The following BFAR variants were observed in gnomAD, a reference collection of about 807,000 sequenced individuals.
The protein encoded by BFAR is RING finger protein 47.
Under a neutral mutation model 54.4 loss-of-function variants are expected in BFAR, and 52 were observed. The ratio of observed to expected loss-of-function variants is 0.96; its 90% CI spans 0.77 to 1.21. The LOEUF is 1.21. Among genes scored for constraint, BFAR ranks in the 50% most tolerant of loss-of-function variants. The pLI is 0.00. For missense variants in BFAR, 571 were observed against 534.0 expected, an observed-to-expected ratio of 1.07 and a Z score of -0.68; for synonymous variants, 215 against 204.3, an observed-to-expected ratio of 1.05 and a Z score of -0.45.
chr16:14,657,834 C>T (rs960774723), intron 5 of BFAR, among the ~76,000 whole-genome samples: 2 of 152,308 alleles, frequency 1.3e-5, no homozygotes, highest in East Asian at 3.9e-4. Flanking sequence ...TGAGCCACTG[C>T]GCCCAGCCAA....
chr16:14,647,893 A>G (rs1195750237), intron 2 of BFAR, among the ~76,000 whole-genome samples: 1 of 152,156 alleles, frequency 6.6e-6, no homozygotes, highest in Non-Finnish European at 1.5e-5. Flanking sequence ...TTTACCTAGT[A>G]GTAAATGTAT....
intron 1 of BFAR, among the ~76,000 whole-genome samples, chr16:14,642,465 T>A (rs1051334563): frequency 1.1e-4 from 17 of 152,192 alleles, no homozygotes; most frequent in Admixed American, 5.9e-4. Context: ...AAAAAATTTT[T>A]AAAAATGTCT....
chr16:14,663,060 A>G (rs1488232992), intron 6 of BFAR, among the ~76,000 whole-genome samples: 1 of 152,222 alleles, frequency 6.6e-6, no homozygotes, highest in Non-Finnish European at 1.5e-5. Flanking sequence ...GAATCTATAG[A>G]TAACATAACT....
chr16:14,639,785 G>C (rs1230852675), intron 1 of BFAR, among the ~76,000 whole-genome samples: 1 of 152,182 alleles, frequency 6.6e-6, no homozygotes, highest in Non-Finnish European at 1.5e-5. Flanking sequence ...GAATTGTCCA[G>C]ATCCTCAGAG....
chr16:14,662,810 AGAAG>A (rs1348525552), intron 6 of BFAR, among the ~76,000 whole-genome samples: 1 of 152,154 alleles, frequency 6.6e-6, no homozygotes, highest in Non-Finnish European at 1.5e-5. Flanking sequence ...ACCGAGTTAA[AGAAG>A]GAAGGGATTT....
Position 14,655,226 on chromosome 16 carries a change from T to A in BFAR, c.783+16T>A, listed in dbSNP as rs1286861634. The stretch of plus-strand genomic sequence containing the variant: ...GGAATATAAGGTGAACACTTTAATT[T>A]TTTTTTTTTTTTTTTACTTTTTATT... On this transcript the variant is annotated intron_variant, in intron 5 of 7. Coordinates refer to ENST00000261658, the MANE Select transcript of BFAR (RefSeq NM_016561.3). 1 of 1,292,098 alleles carries A rather than the reference T, an allele frequency of 7.7e-7. No individual in the cohort carries two copies. Among genetic ancestry groups the A allele is most frequent in the African/African-American group, 1.6e-5 (1 of 63,956 alleles). The allele number at this position is 1,292,098 out of a possible 1,614,324, so 80.0% of individuals were successfully genotyped here. A position where few individuals can be genotyped will look rare whatever the true frequency, so the allele number is the denominator to read the frequency against.
intron 1 of BFAR, among the ~76,000 whole-genome samples, chr16:14,639,076 G>T (rs1005051419): frequency 6.6e-6 from 1 of 152,158 alleles, no homozygotes; most frequent in African/African-American, 2.4e-5. Context: ...CAAACAGGGT[G>T]CCACTGCCTC....
chr16:14,660,880 G>A lies in BFAR; in HGVS notation c.784-1012G>A, dbSNP rs576683152. ...TGCACCATTGCACTCCAGCCTGGGC[G>A]ACAGAGCAAGACTCTGTCTCAAAAA... On this transcript the variant is annotated intron_variant, in intron 5 of 7. Transcript: ENST00000261658. Among the ~76,000 whole-genome samples the A allele has an allele frequency of 1.8e-4, 27 of 151,864 alleles. No individual in the cohort carries two copies. The South Asian group carries it at 2.7e-3, about 15-fold the overall frequency.
rs1555514610 is a variant in BFAR at position 14,651,905 on chromosome 16, T to TA, written c.638+1933dup. On this transcript the variant is annotated intron_variant, in intron 4 of 7. Coordinates refer to ENST00000261658, the MANE Select transcript of BFAR (RefSeq NM_016561.3). ...ATTTTTTTTTTTTTTTTTTTTTTTTTAGATGGAGTCTCGCTCTGTCCTTCA... is the reference window on the plus strand; with the variant it reads ...ATTTTTTTTTTTTTTTTTTTTTTTTTAAGATGGAGTCTCGCTCTGTCCTTCA... 9.4e-3 allele frequency among the ~76,000 whole-genome samples: 1,165 copies of TA among 124,558 alleles called. 20 individuals carry two copies. Among genetic ancestry groups the TA allele is most frequent in the African/African-American group, 0.03 (1,111 of 37,240 alleles). 81.7% of individuals were successfully genotyped at this position (124,558 alleles called of 152,430 possible).
chr16:14,661,787 A>G, intron 5 of BFAR, 105 bp from the exon 6 acceptor site: 1 of 1,243,868 alleles, frequency 8.0e-7, no homozygotes, highest in East Asian at 2.3e-5. Context: ...CATTGTGTGT[A>G]CCATGCAAAA....
chr16:14,643,446 T>A (rs1008270349), intron 1 of BFAR, among the ~76,000 whole-genome samples: 1 of 152,232 alleles, frequency 6.6e-6, no homozygotes, highest in Non-Finnish European at 1.5e-5. Context: ...ACTACACATA[T>A]TATTTTGCTT....
In BFAR at chr16:14,667,820, T is replaced by C; in HGVS notation, c.1346T>C (p.Val449Ala). The stretch of plus-strand genomic sequence containing the variant: ...GAACTCCGGCGGCTGGAAACCCAGG[T>C]GTTGTGACTGGCACTGCCCAGGCTG... Reference protein sequence around the residue: ...VKELRRLETQVL With the variant: ...VKELRRLETQAL The change falls in exon 8 of 8, where the codon GTG (valine) becomes GCG (alanine). Residue 449 changes from valine (V) to alanine (A), a missense_variant. By Grantham distance (64) the Val-to-Ala change is moderately conservative. Coordinates refer to ENST00000261658, the MANE Select transcript of BFAR (RefSeq NM_016561.3). 1 of 1,613,862 alleles carries C rather than the reference T, an allele frequency of 6.2e-7. No homozygotes were observed. The highest frequency in any genetic ancestry group is 2.2e-5 in the East Asian group (1 of 44,876).
intron 4 of BFAR, among the ~76,000 whole-genome samples, chr16:14,654,453 T>G (rs1960063387): frequency 1.4e-5 from 2 of 147,550 alleles, no homozygotes; most frequent in Admixed American, 6.8e-5. Flanking sequence ...GACCTAGGAG[T>G]GCCTTGGGAA....
At chr16:14,658,145 A>G (rs1406468980) in intron 5 of BFAR, among the ~76,000 whole-genome samples, 1 of 152,204 alleles carries the variant, frequency 6.6e-6, no homozygotes, top group East Asian at 1.9e-4. Context: ...GTCTCTAGCA[A>G]GAGAGAGGGG....
At chr16:14,633,069 A>G (rs972844727) in intron 1 of BFAR, 51 bp downstream of exon 1, 3 of 152,384 alleles carry the variant, frequency 2.0e-5, no homozygotes, top group African/African-American at 7.2e-5. Flanking sequence ...CGGGCTTGAT[A>G]TCGGGGAGTG....
chr16:14,639,918 G>C (rs1959569251), intron 1 of BFAR, among the ~76,000 whole-genome samples: 1 of 152,016 alleles, frequency 6.6e-6, no homozygotes, highest in South Asian at 2.1e-4. Flanking sequence ...CAGCATTTTG[G>C]GAGGTCGCGG....
In BFAR at chr16:14,656,803, AATAAGGAACAAAGTCCTGTAATCC is replaced by A. The variant is rs538703741; in HGVS notation, c.783+1618_783+1641del. ...GAAAAGGAGACAAAGACTTTGTGTTAATAAGGAACAAAGTCCTGTAATCCATAAGGAACAAAGTCCTGTAATCCC... is the reference window on the plus strand; with the variant it reads ...GAAAAGGAGACAAAGACTTTGTGTTAATAAGGAACAAAGTCCTGTAATCCC... On this transcript the variant is annotated intron_variant, in intron 5 of 7. Transcript: ENST00000261658. 2.0e-3 allele frequency among the ~76,000 whole-genome samples: 308 copies of A among 152,200 alleles called. 1 individual carries two copies. Among genetic ancestry groups the A allele is most frequent in the Non-Finnish European group, 3.4e-3 (233 of 68,004 alleles).
Position 14,655,224 on chromosome 16 carries a change from T to G in BFAR, c.783+14T>G, listed in dbSNP as rs79997682. The stretch of plus-strand genomic sequence containing the variant: ...TGGGAATATAAGGTGAACACTTTAA[T>G]TTTTTTTTTTTTTTTTTACTTTTTA... On this transcript the variant is annotated intron_variant, in intron 5 of 7. Transcript: ENST00000261658. 9 of 219,358 alleles carry G rather than the reference T, an allele frequency of 4.1e-5. No homozygotes were observed. The East Asian group carries it at 1.2e-3, about 30-fold the overall frequency. 13.6% of individuals were successfully genotyped at this position (219,358 alleles called of 1,614,324 possible).
In BFAR at chr16:14,649,870, G is replaced by A; in HGVS notation, c.535G>A (p.Val179Met). 2.5e-6 allele frequency: 4 copies of A among 1,613,498 alleles called. No individual in the cohort carries two copies. Among genetic ancestry groups the A allele is most frequent in the Non-Finnish European group, 3.4e-6 (4 of 1,179,698 alleles). The change falls in exon 4 of 8, where the codon GTG becomes ATG. Residue 179 changes from valine (V) to methionine (M), a missense_variant. Physicochemically the swap from Val to Met is conservative, Grantham distance 21 (BLOSUM62 1). Transcript: ENST00000261658. Reference protein sequence around the residue: ...SEHDLLVHKAVAKWTAEEVVL... With the variant: ...SEHDLLVHKAMAKWTAEEVVL... Reference sequence around the variant, plus strand: ...ACACGACCTCCTGGTCCACAAGGCTGTGGCCAAATGGACGGCGGAAGAAGT... The same window carrying A: ...ACACGACCTCCTGGTCCACAAGGCTATGGCCAAATGGACGGCGGAAGAAGT...
Sources: gnomAD v4.1 joint callset for allele counts (sites outside exome capture counted in the v4.1 genomes callset) on GRCh38, gnomAD v4.1.1 for gene constraint, MANE v1.5 for transcripts, NCBI Gene and HGNC (gene_info 2026-07-23, HGNC 2026-07-21) for gene names.